Variants in MIA3 observed in about 807,000 individuals in gnomAD.
MIA3 encodes the protein transport and Golgi organization protein 1 homolog.
A neutral mutation model predicts 192.4 loss-of-function variants in MIA3; 90 were observed. The ratio of observed to expected loss-of-function variants is 0.47; its 90% confidence interval spans 0.39 to 0.56. The LOEUF is 0.56. Ranked by LOEUF, MIA3 falls within the 20% of genes least tolerant of loss-of-function variation. MIA3 has a pLI of 0.00. For missense variants in MIA3, 2,123 were observed against 2,269.4 expected (o/e 0.94, Z 1.31); for synonymous variants, 740 against 792.8 (o/e 0.93, Z 1.12).
At position 222,628,295 on chromosome 1, in the gene MIA3, A is replaced by T. The variant is rs1173227017; in HGVS notation, c.1075A>T (p.Asn359Tyr). The part of the protein sequence containing the change: ...KYPTDKEQNS[N>Y]EEDKVQLTVP... ...TCCAACAGATAAAGAGCAGAATTCA[A>T]ATGAAGAGGACAAGGTTCAGCTAAC... The change falls in exon 4 of 28, where the codon AAT (asparagine) becomes TAT (tyrosine). Residue 359 changes from asparagine to tyrosine, a missense_variant. Physicochemically the swap from Asn to Tyr is moderately radical, Grantham distance 143. Transcript: ENST00000344922. 1.9e-6 allele frequency: 3 copies of T among 1,613,832 alleles called. No homozygotes were observed. The African/African-American group carries it at 4.0e-5, about 22-fold the overall frequency.
Position 222,638,901 on chromosome 1 carries a change from A to G in MIA3, c.3477+5652A>G, listed in dbSNP as rs73124830. Among the ~76,000 whole-genome samples, 718 of 152,306 alleles carry G rather than the reference A, an allele frequency of 4.7e-3. 4 individuals are homozygous for G. The highest frequency in any genetic ancestry group is 0.016 in the African/African-American group (682 of 41,566). On this transcript the variant is annotated intron_variant, in intron 6 of 27. Coordinates refer to ENST00000344922, the MANE Select transcript of MIA3 (RefSeq NM_198551.4). Reference sequence around the variant, plus strand: ...TCCTCAAGTAAACAGGAGAAAAGAAATAATGAAGATAAGAGCATAATTCAG... The same window carrying G: ...TCCTCAAGTAAACAGGAGAAAAGAAGTAATGAAGATAAGAGCATAATTCAG...
At chr1:222,639,153 G>T (rs1662751353) in intron 6 of MIA3, among the ~76,000 whole-genome samples, 1 of 152,170 alleles carries the variant, frequency 6.6e-6, no homozygotes, top group Non-Finnish European at 1.5e-5. Context: ...TGACAATTTA[G>T]ATGAAGAAAT....
chr1:222,664,098 C>T lies in MIA3; in HGVS notation c.5363C>T (p.Pro1788Leu), dbSNP rs1195335934. 6.2e-7 allele frequency: 1 copy of T among 1,614,228 alleles called. No homozygotes were observed. Among genetic ancestry groups the T allele is most frequent in the East Asian group, 2.2e-5 (1 of 44,884 alleles). The change falls in exon 27 of 28, where the codon CCA (proline) becomes CTA (leucine). Residue 1788 changes from proline to leucine, a missense_variant. Transcript: ENST00000344922. ...CCACCACCCATTCGATATGGACCAC[C>T]ACCTCAGCTCTGCGGACCTTTTGGG... ...PVPPPIRYGP[P>L]PQLCGPFGPR...
In MIA3 at chr1:222,628,804, A is replaced by G. The variant is rs760812655; in HGVS notation, c.1584A>G (p.Leu528=). ...CTTATGATGATACAGAAAATGACCTAAAAGGAGCAGCTATTCATATCTCAA... is the reference window on the plus strand; with the variant it reads ...CTTATGATGATACAGAAAATGACCTGAAAGGAGCAGCTATTCATATCTCAA... The part of the protein sequence containing the change: ...KSAYDDTEND[L]KGAAIHISKG... Residue 528 remains leucine (L), a synonymous_variant, in exon 4 of 28, where the codon CTA becomes CTG. Coordinates refer to ENST00000344922, the MANE Select transcript of MIA3 (RefSeq NM_198551.4). 2.5e-6 allele frequency: 4 copies of G among 1,614,052 alleles called. No homozygotes were observed. Among genetic ancestry groups the G allele is most frequent in the African/African-American group, 2.7e-5 (2 of 74,934 alleles).
chr1:222,627,073 T>C (rs1201928716), intron 3 of MIA3, among the ~76,000 whole-genome samples: 5 of 152,160 alleles, frequency 3.3e-5, no homozygotes, highest in African/African-American at 1.2e-4. Context: ...GACCCAGGAG[T>C]TGGGCAAATA....
Position 222,659,453 on chromosome 1 carries a change from G to T in MIA3, c.4710G>T (p.Lys1570Asn). ...VSAAEEVKTY[K>N]RRIEEMEDEL... Reference sequence around the variant, plus strand: ...TGATAAAGCCAAGTGTAATTCTTAGGCGGAGAATTGAAGAAATGGAGGATG... The same window carrying T: ...TGATAAAGCCAAGTGTAATTCTTAGTCGGAGAATTGAAGAAATGGAGGATG... Residue 1570 changes from lysine (K) to asparagine (N), a missense_variant and splice_region_variant, in exon 20 of 28, where the codon AAG becomes AAT. Transcript: ENST00000344922. The T allele has an allele frequency of 6.2e-7, 1 of 1,613,434 alleles. No homozygotes were observed. Among genetic ancestry groups the T allele is most frequent in the Non-Finnish European group, 8.5e-7 (1 of 1,179,582 alleles).
At chr1:222,624,173 C>T (rs923638855) in intron 2 of MIA3, among the ~76,000 whole-genome samples, 2 of 152,126 alleles carry the variant, frequency 1.3e-5, no homozygotes, top group Non-Finnish European at 2.9e-5. Context: ...GACATGTAAA[C>T]CATATGTAGA....
At chr1:222,633,392 A>C in intron 6 of MIA3, 143 bp downstream of exon 6, 2 of 714,878 alleles carry the variant, frequency 2.8e-6, no homozygotes. Flanking sequence ...AATGAGCCAC[A>C]GGTGTGTGGC....
intron 13 of MIA3, 43 bp downstream of exon 13, chr1:222,652,375 T>C (rs10495198): frequency 0.67 from 827,911 of 1,230,998 alleles, 287,939 homozygotes; most frequent in Non-Finnish European, 0.72. Context: ...AATAGAGAAC[T>C]CAGTATCATA....
chr1:222,651,668 AT>A (rs1315113201), intron 11 of MIA3, among the ~76,000 whole-genome samples: 3 of 150,472 alleles, frequency 2.0e-5, no homozygotes, highest in Non-Finnish European at 4.4e-5. Context: ...AGTCACATTG[AT>A]TTGAACTGGT....
Position 222,654,732 on chromosome 1 carries a change from T to A in MIA3, c.4546T>A (p.Leu1516Met). ...KAGLEDECKTLRQKVEILNEL... is the reference protein window; with the variant it reads ...KAGLEDECKTMRQKVEILNEL... The stretch of plus-strand genomic sequence containing the variant: ...TGGACTGGAAGATGAATGCAAAACC[T>A]TGAGGCAGAAAGTGGAGATTCTGAA... Residue 1516 changes from leucine (L) to methionine (M), a missense_variant, in exon 18 of 28, where the codon TTG (leucine) becomes ATG (methionine). Leu to Met is a conservative substitution (Grantham distance 15, BLOSUM62 2). Coordinates refer to ENST00000344922, the MANE Select transcript of MIA3 (RefSeq NM_198551.4). 1 of 1,614,120 alleles carries A rather than the reference T, an allele frequency of 6.2e-7. No homozygotes were observed. The highest frequency in any genetic ancestry group is 8.5e-7 in the Non-Finnish European group (1 of 1,179,986).
intron 6 of MIA3, among the ~76,000 whole-genome samples, chr1:222,640,117 GGATA>G (rs1662788056): frequency 6.6e-6 from 1 of 152,032 alleles, no homozygotes. Context: ...GAGTACTTAT[GGATA>G]AATGTGGCAA....
chr1:222,619,553 A>G (rs1198159028), intron 1 of MIA3, among the ~76,000 whole-genome samples: 1 of 152,246 alleles, frequency 6.6e-6, no homozygotes, highest in Non-Finnish European at 1.5e-5. Flanking sequence ...AAAGCGGTAC[A>G]ACTGCCATGA....
chr1:222,652,131 T>C, intron 12 of MIA3, 83 bp downstream of exon 12: 2 of 1,352,892 alleles, frequency 1.5e-6, no homozygotes, highest in South Asian at 2.4e-5. Flanking sequence ...TATGCTAAAA[T>C]GTGCAAAAAA....
At position 222,630,252 on chromosome 1, in the gene MIA3, T is replaced by G. The variant is rs778744493; in HGVS notation, c.3032T>G (p.Ile1011Arg). 5 of 1,614,162 alleles carry G rather than the reference T, an allele frequency of 3.1e-6. 1 individual carries two copies. The highest frequency in any genetic ancestry group is 4.2e-6 in the Non-Finnish European group (5 of 1,180,020). ...NRDLGMNENNIFEEAAVLDDI... is the reference protein window; with the variant it reads ...NRDLGMNENNRFEEAAVLDDI... ...GATCTGGGAATGAACGAAAATAACATATTTGAAGAGGCTGCAGTGCTTGAT... is the reference window on the plus strand; with the variant it reads ...GATCTGGGAATGAACGAAAATAACAGATTTGAAGAGGCTGCAGTGCTTGAT... Residue 1011 changes from isoleucine to arginine, a missense_variant, in exon 4 of 28, where the codon ATA (isoleucine) becomes AGA (arginine). Physicochemically the swap from Ile to Arg is moderately conservative, Grantham distance 97. This residue lies in a region of MIA3 where 1,357 missense variants were observed against 1,396.1 expected (regional missense o/e 0.97). Transcript: ENST00000344922.
chr1:222,619,333 TG>T (rs1170198409), intron 1 of MIA3, among the ~76,000 whole-genome samples: 1 of 152,216 alleles, frequency 6.6e-6, no homozygotes, highest in Admixed American at 6.5e-5. Context: ...TTTCATACAC[TG>T]TTAAGCAATG....
intron 6 of MIA3, among the ~76,000 whole-genome samples, chr1:222,633,853 CT>C (rs1005939476): frequency 7.4e-5 from 11 of 148,220 alleles, no homozygotes; most frequent in African/African-American, 9.9e-5. Context: ...TTTTCTTTTT[CT>C]TTTTTTTTTA....
chr1:222,643,792 A>C (rs1212280808), intron 6 of MIA3, among the ~76,000 whole-genome samples: 2 of 152,156 alleles, frequency 1.3e-5, no homozygotes, highest in African/African-American at 4.8e-5. Context: ...TCTAAAAAAA[A>C]AAGTGGGACC....
intron 11 of MIA3, among the ~76,000 whole-genome samples, chr1:222,651,750 C>G (rs1418151041): frequency 6.6e-6 from 1 of 151,978 alleles, no homozygotes; most frequent in African/African-American, 2.4e-5. Context: ...TTTATTCTAA[C>G]CAGGAAGGTT....
Sources: allele counts gnomAD v4.1 joint callset (sites outside exome capture counted in the v4.1 genomes callset), GRCh38; gene constraint gnomAD v4.1.1; regional missense constraint gnomAD v4.1.1; transcripts MANE v1.5; gene names NCBI Gene and HGNC (gene_info 2026-07-23, HGNC 2026-07-21).